The following COG8 variants were observed in gnomAD, a reference collection of about 807,000 sequenced individuals.
The protein encoded by COG8 is component of oligomeric golgi complex 8, also known as conserved oligomeric Golgi complex subunit 8.
In COG8, 45 loss-of-function variants were observed where a neutral mutation model predicts 46.5. The observed-to-expected ratio is 0.97, with a 90% CI of 0.76 to 1.24. The LOEUF (loss-of-function observed/expected upper bound fraction) is 1.24, where lower values mean the gene tolerates loss of function less well. COG8 is among the 50% of genes most tolerant of loss of function. The pLI, the probability that COG8 is intolerant of heterozygous loss-of-function variation, is 0.00. For missense variants in COG8, 793 were observed against 820.8 expected (o/e 0.97, Z 0.41); for synonymous variants, 407 against 347.8 (o/e 1.17, Z -1.90).
rs760735437 is a variant in COG8, at chr16:69,335,139, A to C, written c.795T>G (p.Asp265Glu). Residue 265 changes from aspartate (D) to glutamate (E), a missense_variant, in exon 3 of 6, where the codon GAT (aspartate) becomes GAG (glutamate). Transcript: ENST00000306875. ...TTTTTGTAATATGGAAATAGGGATC[A>C]TCATTAGGAATGGCAGTCAGGATGG... ...LRSILTAIPN[D>E]DPYFHITKTI... 2.5e-6 allele frequency: 4 copies of C among 1,614,204 alleles called. No homozygotes were observed. Among genetic ancestry groups the C allele is most frequent in the South Asian group, 2.2e-5 (2 of 91,084 alleles).
At chr16:69,336,187 C>T (rs1166607791) in intron 2 of COG8, among the ~76,000 whole-genome samples, 1 of 152,146 alleles carries the variant, frequency 6.6e-6, no homozygotes, top group African/African-American at 2.4e-5. Flanking sequence ...TCCCTTACCC[C>T]ATTCCCTGTT....
chr16:69,330,616 C>G, intron 5 of COG8, 197 bp downstream of exon 5: 1 of 1,409,280 alleles, frequency 7.1e-7, no homozygotes, highest in Non-Finnish European at 9.1e-7. Flanking sequence ...CCGGCCGCAG[C>G]GCGGGGCACG....
At chr16:69,332,268 T>C (rs1322781513) in intron 4 of COG8, among the ~76,000 whole-genome samples, 1 of 152,084 alleles carries the variant, frequency 6.6e-6, no homozygotes, top group Non-Finnish European at 1.5e-5. Context: ...GAGAATTGCT[T>C]GAACCCGGGA....
In COG8 at chr16:69,327,667, G is replaced by A. The variant is rs1965641047; in HGVS notation, c.*1539C>T. ...TGATTTTCAGGACTCTGTTCAGCAA[G>A]AATACCTACTTTACAAAACTCAGCA... On this transcript the variant is annotated 3_prime_UTR_variant, in exon 6 of 6. Coordinates refer to ENST00000306875, the MANE Select transcript of COG8 (RefSeq NM_032382.5). The A allele has an allele frequency of 6.6e-6, 1 of 152,026 alleles. No individual in the cohort carries two copies. Among genetic ancestry groups the A allele is most frequent in the Non-Finnish European group, 1.5e-5 (1 of 68,020 alleles). 9.4% of individuals were successfully genotyped at this position (152,026 alleles called of 1,614,324 possible). A position where few individuals can be genotyped will look rare whatever the true frequency, so the allele number is the denominator to read the frequency against.
chr16:69,338,746 T>C (rs2012350637), intron 1 of COG8, among the ~76,000 whole-genome samples: 1 of 152,168 alleles, frequency 6.6e-6, no homozygotes. Flanking sequence ...TCCCAGCGCT[T>C]TGGGAGGCCG....
At position 69,339,271 on chromosome 16, in the gene COG8, G is replaced by T; in HGVS notation, c.282C>A (p.Ala94=). ...GGCGGTGGATGCGCTCGGTGCACTC[G>T]GCGCCGCGGATGAAGGTCTTGTAGT... The part of the protein sequence containing the change: ...FANYKTFIRG[A]ECTERIHRLF... The change falls in exon 1 of 6, where the codon GCC becomes GCA. Residue 94 remains alanine, a synonymous_variant. Coordinates refer to ENST00000306875, the MANE Select transcript of COG8 (RefSeq NM_032382.5). The T allele has an allele frequency of 2.5e-6, 4 of 1,612,558 alleles. No homozygotes were observed. Among genetic ancestry groups the T allele is most frequent in the Non-Finnish European group, 3.4e-6 (4 of 1,179,762 alleles).
At position 69,329,107 on chromosome 16, in the gene COG8, A is replaced by G; in HGVS notation, c.*99T>C. On this transcript the variant is annotated 3_prime_UTR_variant, in exon 6 of 6. Coordinates refer to ENST00000306875, the MANE Select transcript of COG8 (RefSeq NM_032382.5). ...AAACAGGCAGCCCTGCAGGTGGTCC[A>G]TCTCGTGCTGGATGATGCGGGCTGC... 6.2e-7 allele frequency: 1 copy of G among 1,611,660 alleles called. No homozygotes were observed. The highest frequency in any genetic ancestry group is 1.1e-5 in the South Asian group (1 of 90,802).
At chr16:69,337,734 C>CTT (rs879881954) in intron 1 of COG8, among the ~76,000 whole-genome samples, 1,687 of 142,666 alleles carry the variant, frequency 0.012, 24 homozygotes, top group African/African-American at 0.03. Flanking sequence ...TCACAAAGGA[C>CTT]TTTTTTTTTT....
intron 3 of COG8, 102 bp downstream of exon 3, chr16:69,334,419 A>G (rs2012066153): frequency 9.5e-7 from 1 of 1,054,322 alleles, no homozygotes; most frequent in Non-Finnish European, 1.4e-6. Context: ...AGACCTCTCC[A>G]TGTCAGCAGA....
Position 69,339,521 on chromosome 16 carries a change from G to C in COG8, c.32C>G (p.Ala11Gly). 2 of 1,607,880 alleles carry C rather than the reference G, an allele frequency of 1.2e-6. No individual in the cohort carries two copies. The highest frequency in any genetic ancestry group is 1.7e-6 in the Non-Finnish European group (2 of 1,179,918). Residue 11 changes from alanine (A) to glycine (G), a missense_variant, in exon 1 of 6, where the codon GCC (alanine) becomes GGC (glycine). Physicochemically the swap from Ala to Gly is moderately conservative, Grantham distance 60. Coordinates refer to ENST00000306875, the MANE Select transcript of COG8 (RefSeq NM_032382.5). MATAATIPSV[A>G]TATAAALGEV... ...GCCGAGAGCCGCTGCTGTGGCCGTG[G>C]CTACCGATGGGATAGTCGCCGCGGT...
intron 4 of COG8, among the ~76,000 whole-genome samples, chr16:69,331,807 T>G (rs932535395): frequency 5.3e-5 from 8 of 152,104 alleles, no homozygotes; most frequent in Admixed American, 5.2e-4. Flanking sequence ...AGCCATCAAT[T>G]ACTATGTTTT....
rs1264543211 is a variant in COG8 at position 69,335,106 on chromosome 16, C to T, written c.828G>A (p.Glu276=). Residue 276 remains glutamate, a synonymous_variant, in exon 3 of 6, where the codon GAG becomes GAA. Transcript: ENST00000306875. The part of the protein sequence containing the change: ...DPYFHITKTI[E]ASRVHLFDII... Reference sequence around the variant, plus strand: ...TATCAAAGAGATGGACACGGGAGGCCTCGATGGTTTTTGTAATATGGAAAT... The same window carrying T: ...TATCAAAGAGATGGACACGGGAGGCTTCGATGGTTTTTGTAATATGGAAAT... The T allele has an allele frequency of 1.2e-6, 2 of 1,614,134 alleles. No individual in the cohort carries two copies. The highest frequency in any genetic ancestry group is 3.3e-5 in the Admixed American group (2 of 60,010).
chr16:69,332,081 T>G (rs1046401422), intron 4 of COG8, among the ~76,000 whole-genome samples: 4 of 151,998 alleles, frequency 2.6e-5, no homozygotes, highest in Non-Finnish European at 5.9e-5. Context: ...AGGACGGGCG[T>G]GGTGGCTCAC....
rs1438631291 is a variant in COG8 at position 69,330,061 on chromosome 16, C to T, written c.*26+752G>A. The T allele has an allele frequency of 1.9e-6, 3 of 1,558,062 alleles. No individual in the cohort carries two copies. The South Asian group carries it at 3.5e-5, about 18-fold the overall frequency. On this transcript the variant is annotated intron_variant, in intron 5 of 5. Transcript: ENST00000306875. ...GGAAGCCGGCGACGCTCTCGCAGCC[C>T]TCGGGAAAGGTGACCAGGCGGCTGT...
In COG8 at chr16:69,335,169, G is replaced by A; in HGVS notation, c.765C>T (p.Leu255=). The change falls in exon 3 of 6, where the codon CTC becomes CTT. Residue 255 remains leucine, a synonymous_variant. Transcript: ENST00000306875. ...VKFLQARDAW[L]RSILTAIPND... is the part of the protein sequence containing the mutation. Reference sequence around the variant, plus strand: ...TAGGAATGGCAGTCAGGATGGACCGGAGCCAAGCATCTCGGGCCTGAAGAA... The same window carrying A: ...TAGGAATGGCAGTCAGGATGGACCGAAGCCAAGCATCTCGGGCCTGAAGAA... The A allele has an allele frequency of 1.9e-6, 3 of 1,614,214 alleles. No individual in the cohort carries two copies. Among genetic ancestry groups the A allele is most frequent in the Non-Finnish European group, 2.5e-6 (3 of 1,180,042 alleles).
Position 69,339,378 on chromosome 16 carries a change from C to G in COG8, c.175G>C (p.Glu59Gln). 1 of 1,584,836 alleles carries G rather than the reference C, an allele frequency of 6.3e-7. No individual in the cohort carries two copies. Among genetic ancestry groups the G allele is most frequent in the Non-Finnish European group, 8.5e-7 (1 of 1,169,972 alleles). Residue 59 changes from glutamate (E) to glutamine (Q), a missense_variant, in exon 1 of 6, where the codon GAG becomes CAG. By Grantham distance (29) the Glu-to-Gln change is conservative. Transcript: ENST00000306875. ...CGCTCGGGCTCGCGCCGCAGCCGCT[C>G]CAGCCCCGAGCCGCTCAACTCCCGG... ...YLRELSGSGL[E>Q]RLRREPERLA...
intron 4 of COG8, among the ~76,000 whole-genome samples, chr16:69,332,085 G>A (rs1482251256): frequency 6.6e-6 from 1 of 152,200 alleles, no homozygotes; most frequent in Non-Finnish European, 1.5e-5. Flanking sequence ...CGGGCGTGGT[G>A]GCTCACGCCT....
At chr16:69,338,543 T>C (rs2012333781) in intron 1 of COG8, 1 of 152,792 alleles carries the variant, frequency 6.5e-6, no homozygotes, top group Admixed American at 6.5e-5. Context: ...TCAGACCCGA[T>C]AATAAGAGCT....
At position 69,332,708 on chromosome 16, in the gene COG8, T is replaced by A. The variant is rs1227396415; in HGVS notation, c.1582+6A>T. 2.5e-6 allele frequency: 4 copies of A among 1,612,854 alleles called. No individual in the cohort carries two copies. In the African/African-American group the frequency reaches 5.3e-5, roughly 22 times the overall value. On this transcript the variant is annotated splice_donor_region_variant and intron_variant, in intron 4 of 5. Transcript: ENST00000306875. Reference sequence around the variant, plus strand: ...AAGGCAGTTTACAGAATTTTCATTCTCTTACCTAAAGTCTGTGCTATCTGA... The same window carrying A: ...AAGGCAGTTTACAGAATTTTCATTCACTTACCTAAAGTCTGTGCTATCTGA...
Sources: gnomAD v4.1 joint callset for allele counts (sites outside exome capture counted in the v4.1 genomes callset) on GRCh38, gnomAD v4.1.1 for gene constraint, MANE v1.5 for transcripts, NCBI Gene and HGNC (gene_info 2026-07-23, HGNC 2026-07-21) for gene names.